The following ZMYM4 variants were observed in gnomAD, a reference collection of about 807,000 sequenced individuals.
ZMYM4 encodes the protein zinc finger MYM-type protein 4.
A neutral mutation model predicts 183.2 loss-of-function variants in ZMYM4; 31 were observed. That is an observed-to-expected ratio of 0.17 (90% CI 0.13 to 0.23). The LOEUF is 0.23. Ranked by LOEUF, ZMYM4 falls within the 10% of genes least tolerant of loss-of-function variation. The pLI is 1.00. For missense variants in ZMYM4, 1,273 were observed against 1,840.3 expected (o/e 0.69, Z 5.64); for synonymous variants, 592 against 631.2 (o/e 0.94, Z 0.93).
At position 35,415,494 on chromosome 1, in the gene ZMYM4, G is replaced by A. The variant is rs1293606267; in HGVS notation, c.4089G>A (p.Glu1363=). 4 of 1,614,080 alleles carry A rather than the reference G, an allele frequency of 2.5e-6. No individual in the cohort carries two copies. Among genetic ancestry groups the A allele is most frequent in the Non-Finnish European group, 1.7e-6 (2 of 1,180,034 alleles). ...NGYMFSRIEE[E]HLWECKQLGA... is the part of the protein sequence containing the mutation. ...ACATGTTCTCTCGCATTGAGGAAGA[G>A]CATTTGTGGGAGTGCAAACAGCTGG... is the stretch of plus-strand genomic sequence containing the variant. The change falls in exon 28 of 30, where the codon GAG becomes GAA. Residue 1363 remains glutamate, a synonymous_variant. Coordinates refer to ENST00000314607, the MANE Select transcript of ZMYM4 (RefSeq NM_005095.3).
intron 9 of ZMYM4, among the ~76,000 whole-genome samples, chr1:35,384,554 C>G (rs1644532221): frequency 6.6e-6 from 1 of 152,118 alleles, no homozygotes; most frequent in Non-Finnish European, 1.5e-5. Flanking sequence ...TGTATTTGGA[C>G]ACCTGTGATG....
intron 1 of ZMYM4, among the ~76,000 whole-genome samples, chr1:35,287,884 G>A (rs772017467): frequency 2.6e-5 from 4 of 152,136 alleles, no homozygotes; most frequent in East Asian, 1.9e-4. Flanking sequence ...GATTACAGAC[G>A]TGAGCCCCCA....
intron 26 of ZMYM4, among the ~76,000 whole-genome samples, chr1:35,410,106 G>C (rs1639821806): frequency 6.6e-6 from 1 of 152,106 alleles, no homozygotes; most frequent in South Asian, 2.1e-4. Context: ...CATGGCAAGA[G>C]AGTGAGGACG....
intron 2 of ZMYM4, among the ~76,000 whole-genome samples, chr1:35,356,907 G>T (rs372334038): frequency 5.3e-5 from 8 of 152,242 alleles, no homozygotes; most frequent in African/African-American, 1.9e-4. Context: ...GAAACAGGGG[G>T]TTGCCCTGTC....
Position 35,389,049 on chromosome 1 carries a change from A to G in ZMYM4, c.2403A>G (p.Glu801=). 1 of 1,614,024 alleles carries G rather than the reference A, an allele frequency of 6.2e-7. No individual in the cohort carries two copies. Among genetic ancestry groups the G allele is most frequent in the Non-Finnish European group, 8.5e-7 (1 of 1,179,990 alleles). Reference sequence around the variant, plus strand: ...AAGTGGAAGAGTTCTGTTGTGAAGAATGCATGTCCAAATATACAGTTTTGT... The same window carrying G: ...AAGTGGAAGAGTTCTGTTGTGAAGAGTGCATGTCCAAATATACAGTTTTGT... The part of the protein sequence containing the change: ...GGKVEEFCCE[E]CMSKYTVLFY... The change falls in exon 14 of 30, where the codon GAA becomes GAG. Residue 801 remains glutamate (E), a synonymous_variant. Coordinates refer to ENST00000314607, the MANE Select transcript of ZMYM4 (RefSeq NM_005095.3). This position sits in a 1 kb window ranked among gnomAD's most constrained non-coding sequence, Gnocchi z 4.0.
At chr1:35,351,742 ATATT>A (rs1230656480) in intron 2 of ZMYM4, 1 of 363,752 alleles carries the variant, frequency 2.7e-6, no homozygotes, top group African/African-American at 2.1e-5. Context: ...ATATTTCACA[ATATT>A]TATTTATATG....
intron 7 of ZMYM4, among the ~76,000 whole-genome samples, chr1:35,380,370 C>A (rs1173290673): frequency 1.3e-5 from 2 of 151,870 alleles, no homozygotes; most frequent in East Asian, 3.9e-4. Flanking sequence ...CTCTGTCGCC[C>A]ATGCTGGAGT....
chr1:35,322,221 A>T (rs1222980056), intron 1 of ZMYM4, among the ~76,000 whole-genome samples: 1 of 152,112 alleles, frequency 6.6e-6, no homozygotes, highest in Non-Finnish European at 1.5e-5. Context: ...TTCTATTGGG[A>T]TAGTACTCTT....
At position 35,394,162 on chromosome 1, in the gene ZMYM4, C is replaced by CTTTTTTTTTTTTTTTT. The variant is rs34277367; in HGVS notation, c.2911+438_2911+453dup. Among the ~76,000 whole-genome samples the CTTTTTTTTTTTTTTTT allele has an allele frequency of 1.8e-4, 12 of 68,428 alleles. 2 individuals are homozygous for CTTTTTTTTTTTTTTTT. The highest frequency in any genetic ancestry group is 1.5e-3 in the East Asian group (3 of 1,982). 44.9% of individuals were successfully genotyped at this position (68,428 alleles called of 152,430 possible). On this transcript the variant is annotated intron_variant, in intron 18 of 29. Transcript: ENST00000314607. ...CCTTTGAGGAGAGCTTCAGAGCTTT[C>CTTTTTTTTTTTTTTTT]TTTTTTTTTTTTTTTTTTTTTTTTT... is the stretch of plus-strand genomic sequence containing the variant.
At chr1:35,278,814 T>C (rs983346178) in intron 1 of ZMYM4, among the ~76,000 whole-genome samples, 1 of 152,140 alleles carries the variant, frequency 6.6e-6, no homozygotes, top group African/African-American at 2.4e-5. Context: ...TAGGTAAGAG[T>C]ATGGACTCGG....
intron 11 of ZMYM4, 42 bp downstream of exon 11, chr1:35,386,231 A>G (rs1317765269): frequency 1.4e-6 from 2 of 1,423,518 alleles, no homozygotes; most frequent in Non-Finnish European, 2.0e-6. Context: ...TCAGTGAGTC[A>G]CCTACTGTAT....
rs1349904763 is a variant in ZMYM4 at position 35,421,748 on chromosome 1, G to A, written c.*2071G>A. ...CTCATAAGTGTAGCTGTTGATGTGT[G>A]CGTCTGATTATTGCTTTTTTAATTT... On this transcript the variant is annotated 3_prime_UTR_variant, in exon 30 of 30. Coordinates refer to ENST00000314607, the MANE Select transcript of ZMYM4 (RefSeq NM_005095.3). The A allele has an allele frequency of 1.3e-5, 2 of 152,216 alleles. No homozygotes were observed. The highest frequency in any genetic ancestry group is 2.1e-4 in the South Asian group (1 of 4,820). 9.4% of individuals were successfully genotyped at this position (152,216 alleles called of 1,614,324 possible).
chr1:35,398,298 A>C, intron 20 of ZMYM4, 115 bp from the exon 21 acceptor site: 2 of 850,082 alleles, frequency 2.4e-6, no homozygotes, highest in Non-Finnish European at 3.6e-6. Context: ...CTGCATATGA[A>C]ATCTATTTAC....
chr1:35,288,092 T>C (rs540455465), intron 1 of ZMYM4, among the ~76,000 whole-genome samples: 35 of 152,222 alleles, frequency 2.3e-4, no homozygotes, highest in South Asian at 1.0e-3. Flanking sequence ...CCTTACTGTT[T>C]AGTTTTAATT....
At chr1:35,375,334 A>G (rs1055688318) in intron 7 of ZMYM4, among the ~76,000 whole-genome samples, 1 of 152,120 alleles carries the variant, frequency 6.6e-6, no homozygotes, top group Non-Finnish European at 1.5e-5. Context: ...ACAGTTTGGT[A>G]TAGTCTGATT....
At chr1:35,307,397 T>C (rs981361099) in intron 1 of ZMYM4, among the ~76,000 whole-genome samples, 3 of 152,080 alleles carry the variant, frequency 2.0e-5, no homozygotes, top group African/African-American at 7.2e-5. Flanking sequence ...TGACATCACA[T>C]GGGTACCCTT....
At position 35,419,942 on chromosome 1, in the gene ZMYM4, T is replaced by C. The variant is rs1640270627; in HGVS notation, c.*265T>C. 2 of 426,386 alleles carry C rather than the reference T, an allele frequency of 4.7e-6. No individual in the cohort carries two copies. The highest frequency in any genetic ancestry group is 4.4e-5 in the East Asian group (1 of 22,650). The allele number at this position is 426,386 out of a possible 1,614,324, so 26.4% of individuals were successfully genotyped here. On this transcript the variant is annotated 3_prime_UTR_variant, in exon 30 of 30. Coordinates refer to ENST00000314607, the MANE Select transcript of ZMYM4 (RefSeq NM_005095.3). Reference sequence around the variant, plus strand: ...TTTCTCCGAGTGGTGCATAATCTTATTTTGTTTGGGAGTAACAAATCGTGG... The same window carrying C: ...TTTCTCCGAGTGGTGCATAATCTTACTTTGTTTGGGAGTAACAAATCGTGG...
intron 19 of ZMYM4, chr1:35,397,131 T>A (rs1644823032): frequency 3.6e-6 from 4 of 1,097,018 alleles, no homozygotes; most frequent in Non-Finnish European, 4.4e-6. Flanking sequence ...AATGCAAGTG[T>A]ATTATAGAAT....
At chr1:35,409,906 C>A (rs540188107) in intron 26 of ZMYM4, among the ~76,000 whole-genome samples, 169 of 150,804 alleles carry the variant, frequency 1.1e-3, no homozygotes, top group South Asian at 6.9e-3. Flanking sequence ...CGCCCCTGCA[C>A]TTCAGCCTGG....
Sources: gnomAD v4.1 joint callset for allele counts (sites outside exome capture counted in the v4.1 genomes callset) on GRCh38, gnomAD v4.1.1 for gene constraint, Gnocchi (gnomAD v3.1) non-coding constraint, MANE v1.5 for transcripts, NCBI Gene and HGNC (gene_info 2026-07-23, HGNC 2026-07-21) for gene names.